The following COP1 variants were observed in gnomAD, a reference collection of about 807,000 sequenced individuals.
COP1 encodes E3 ubiquitin-protein ligase COP1.
In COP1, 24 loss-of-function variants were observed where a neutral mutation model predicts 101.3. The observed-to-expected ratio is 0.24, with a 90% CI of 0.17 to 0.33. The LOEUF is 0.33. Ranked by LOEUF, COP1 falls within the 10% of genes least tolerant of loss-of-function variation. The probability of loss-of-function intolerance (pLI) is 1.00; values close to 1 mark genes in which losing one functional copy is unlikely to be tolerated. For missense variants in COP1, 663 were observed against 906.2 expected (o/e 0.73, Z 3.45); for synonymous variants, 347 against 341.9 (o/e 1.01, Z -0.17).
chr1:176,036,349 A>C (rs994083159), intron 14 of COP1, among the ~76,000 whole-genome samples: 4 of 151,934 alleles, frequency 2.6e-5, no homozygotes, highest in African/African-American at 4.8e-5. Flanking sequence ...ACAAAACCAA[A>C]AGTTGAGCAT....
intron 9 of COP1, among the ~76,000 whole-genome samples, chr1:176,105,926 C>T (rs1398388579): frequency 6.6e-6 from 1 of 152,226 alleles, no homozygotes; most frequent in Non-Finnish European, 1.5e-5. Flanking sequence ...TCTAACCTAA[C>T]TGACTCCATC....
At chr1:176,117,403 A>T (rs1686372930) in intron 8 of COP1, among the ~76,000 whole-genome samples, 1 of 151,946 alleles carries the variant, frequency 6.6e-6, no homozygotes, top group Non-Finnish European at 1.5e-5. Flanking sequence ...CCCTAAAAAA[A>T]CCTCCAGAAG....
chr1:176,007,726 G>C (rs1446242548), intron 15 of COP1, among the ~76,000 whole-genome samples: 1 of 152,144 alleles, frequency 6.6e-6, no homozygotes, highest in Non-Finnish European at 1.5e-5. Flanking sequence ...TGCGTGCTGG[G>C]AGAACCACTG....
Position 176,046,211 on chromosome 1 carries a change from T to C in COP1, c.1391A>G (p.Glu464Gly). The C allele has an allele frequency of 6.2e-7, 1 of 1,603,756 alleles. No individual in the cohort carries two copies. The highest frequency in any genetic ancestry group is 8.5e-7 in the Non-Finnish European group (1 of 1,176,984). The part of the protein sequence containing the change: ...IQDAVDIHYP[E>G]NEMTCNSKIS... Reference sequence around the variant, plus strand: ...TTTCGAATTGCAGGTCATTTCATTCTCAGGGTAATGAATATCCACTGCATC... The same window carrying C: ...TTTCGAATTGCAGGTCATTTCATTCCCAGGGTAATGAATATCCACTGCATC... The change falls in exon 12 of 20, where the codon GAG (glutamate) becomes GGG (glycine). Residue 464 changes from glutamate to glycine, a missense_variant. Glu to Gly is a moderately conservative substitution (Grantham distance 98). This residue lies in a region of COP1 where 209 missense variants were observed against 383.3 expected (regional missense o/e 0.55). Coordinates refer to ENST00000367669, the MANE Select transcript of COP1 (RefSeq NM_022457.7).
chr1:176,103,689 T>C lies in COP1; in HGVS notation c.1026+12935A>G, dbSNP rs573032111. On this transcript the variant is annotated intron_variant, in intron 9 of 19. Transcript: ENST00000367669. Reference sequence around the variant, plus strand: ...TCAGATGCTAAATCTGTATTTCTTATAACTGCATGTAAATCTATAATTATT... The same window carrying C: ...TCAGATGCTAAATCTGTATTTCTTACAACTGCATGTAAATCTATAATTATT... 1.6e-4 allele frequency among the ~76,000 whole-genome samples: 25 copies of C among 152,346 alleles called. No homozygotes were observed. The South Asian group carries it at 5.0e-3, about 30-fold the overall frequency.
chr1:176,000,147 C>T (rs552207224), intron 15 of COP1, among the ~76,000 whole-genome samples: 11 of 152,102 alleles, frequency 7.2e-5, no homozygotes, highest in Non-Finnish European at 4.4e-5. Flanking sequence ...GCTTTGGCTG[C>T]TTGTGGGATA....
chr1:176,065,864 TG>T (rs1675867237), intron 11 of COP1, among the ~76,000 whole-genome samples: 1 of 151,928 alleles, frequency 6.6e-6, no homozygotes, highest in Non-Finnish European at 1.5e-5. Context: ...CGCACCACCA[TG>T]CTTGGCTAAT....
At chr1:176,154,553 T>A (rs1693162322) in intron 5 of COP1, among the ~76,000 whole-genome samples, 1 of 152,124 alleles carries the variant, frequency 6.6e-6, no homozygotes, top group Non-Finnish European at 1.5e-5. Context: ...AAATACCACA[T>A]GTTCTCACTT....
In COP1 at chr1:176,207,121, G is replaced by GT. The variant is rs975480526; in HGVS notation, c.-144dup. On this transcript the variant is annotated 5_prime_UTR_variant, in exon 1 of 20. Coordinates refer to ENST00000367669, the MANE Select transcript of COP1 (RefSeq NM_022457.7). ...TGGGGCTGAGGAACAATAAAGTTGC[G>GT]TTTTTTTTTAAGGCAGCCACACAAC... 4.1e-3 allele frequency: 2,381 copies of GT among 578,038 alleles called. 4 individuals are homozygous for GT. The highest frequency in any genetic ancestry group is 0.01 in the African/African-American group (526 of 50,684). 35.8% of individuals were successfully genotyped at this position (578,038 alleles called of 1,614,324 possible).
At chr1:176,129,514 T>C (rs936795081) in intron 8 of COP1, among the ~76,000 whole-genome samples, 39 of 152,018 alleles carry the variant, frequency 2.6e-4, no homozygotes, top group African/African-American at 2.6e-4. Context: ...AGATGAGAGA[T>C]TGTAGATCAA....
chr1:176,159,952 C>T (rs1694044512), intron 5 of COP1, among the ~76,000 whole-genome samples: 2 of 152,034 alleles, frequency 1.3e-5, no homozygotes, highest in African/African-American at 4.8e-5. Context: ...TATTTCAGAG[C>T]CCCATATTAT....
rs924995942 is a variant in COP1, at chr1:176,061,469, A to C, written c.1278-15145T>G. ...TGGAAACACCTTATCTCTACTAAAA[A>C]TACAAAATTCACTAGGCATGGTGGC... On this transcript the variant is annotated intron_variant, in intron 11 of 19. Transcript: ENST00000367669. 5.3e-5 allele frequency among the ~76,000 whole-genome samples: 8 copies of C among 152,280 alleles called. No homozygotes were observed. In the East Asian group the frequency reaches 1.5e-3, roughly 29 times the overall value.
In COP1 at chr1:176,148,342, A is replaced by C. The variant is rs149609111; in HGVS notation, c.831+664T>G. ...TTTTTAAATGAGTAAAAAGTATCCT[A>C]ATTAGACAATTCTTAACATAAACAT... On this transcript the variant is annotated intron_variant, in intron 6 of 19. Coordinates refer to ENST00000367669, the MANE Select transcript of COP1 (RefSeq NM_022457.7). Among the ~76,000 whole-genome samples the C allele has an allele frequency of 2.6e-3, 399 of 152,192 alleles. 3 individuals are homozygous for C. Among genetic ancestry groups the C allele is most frequent in the African/African-American group, 9.1e-3 (379 of 41,538 alleles).
At chr1:175,950,406 T>A (rs940280109) in intron 18 of COP1, among the ~76,000 whole-genome samples, 10 of 152,274 alleles carry the variant, frequency 6.6e-5, no homozygotes, top group Non-Finnish European at 7.4e-5. Context: ...ATAAATTATT[T>A]TTTTTTTGCA....
rs1184813524 is a variant in COP1, at chr1:176,178,971, A to AT, written c.468-2965dup. On this transcript the variant is annotated intron_variant, in intron 2 of 19. Transcript: ENST00000367669. The stretch of plus-strand genomic sequence containing the variant: ...GGGCAGATCACTTGAGGTCAGGAGA[A>AT]TTTTTTTTTTTTAGTTTTTTTTTTT... Among the ~76,000 whole-genome samples the AT allele has an allele frequency of 1.2e-3, 173 of 146,278 alleles. 1 individual carries two copies. The highest frequency in any genetic ancestry group is 8.7e-3 in the Admixed American group (127 of 14,638).
chr1:176,003,659 G>A (rs556711256), intron 15 of COP1, among the ~76,000 whole-genome samples: 3 of 152,242 alleles, frequency 2.0e-5, no homozygotes, highest in African/African-American at 7.2e-5. Context: ...TCAGATAGTT[G>A]TAGATACGTG....
chr1:176,107,352 T>C (rs945109283), intron 9 of COP1, among the ~76,000 whole-genome samples: 1 of 152,152 alleles, frequency 6.6e-6, no homozygotes, highest in Non-Finnish European at 1.5e-5. Context: ...GTTTCTTGGA[T>C]ACAAGACTAT....
At chr1:176,185,027 G>A (rs934307228) in intron 1 of COP1, among the ~76,000 whole-genome samples, 3 of 151,954 alleles carry the variant, frequency 2.0e-5, no homozygotes, top group African/African-American at 4.8e-5. Flanking sequence ...CTCTACCATC[G>A]TTTTCCATCA....
intron 15 of COP1, chr1:176,018,456 T>C (rs1666066416): frequency 2.0e-5 from 3 of 152,144 alleles, no homozygotes; most frequent in Admixed American, 6.5e-5. Flanking sequence ...TGAAACCCTA[T>C]GATATAAAAC....
Sources: allele counts gnomAD v4.1 joint callset (sites outside exome capture counted in the v4.1 genomes callset), GRCh38; gene constraint gnomAD v4.1.1; regional missense constraint gnomAD v4.1.1; transcripts MANE v1.5; gene names NCBI Gene and HGNC (gene_info 2026-07-23, HGNC 2026-07-21).